Variants in OOEP observed in about 807,000 individuals in gnomAD.
OOEP encodes the protein oocyte expressed protein.
A neutral mutation model predicts 13.7 loss-of-function variants in OOEP; 16 were observed. The ratio of observed to expected loss-of-function variants is 1.16; its 90% CI spans 0.79 to 1.77. OOEP has a LOEUF of 1.77. Ranked by LOEUF, OOEP falls within the 40% of genes most tolerant of loss-of-function variation. The probability of loss-of-function intolerance (pLI) is 0.00; values close to 1 mark genes in which losing one functional copy is unlikely to be tolerated. For synonymous variants in OOEP, 89 were observed against 77.1 expected (o/e 1.15, Z -0.81); for missense variants, 195 against 193.1 (o/e 1.01, Z -0.06).
upstream of OOEP, chr6:73,373,200 G>A: frequency 6.2e-7 from 1 of 1,612,720 alleles, no homozygotes; most frequent in South Asian, 1.1e-5. Flanking sequence ...TGGGGAATGG[G>A]ACGATTTTGC....
At chr6:73,373,233 G>A (rs1272759086), upstream of OOEP, 64 of 1,612,430 alleles carry the variant, frequency 4.0e-5, no homozygotes, top group East Asian at 8.9e-5. Context: ...GCCAGGAATC[G>A]CTTAATCCTG....
Position 73,369,891 on chromosome 6 carries a change from C to T in OOEP, c.-99G>A. On this transcript the variant is annotated 5_prime_UTR_variant, in exon 1 of 3. Transcript: ENST00000370359. ...CGGGCTCTCTTTTACCATATTCGAC[C>T]CGCTCCGCCCCTTCCGGCGGCGCCT... is the stretch of plus-strand genomic sequence containing the variant. 9.0e-7 allele frequency: 1 copy of T among 1,114,774 alleles called. No homozygotes were observed. Among genetic ancestry groups the T allele is most frequent in the Non-Finnish European group, 1.3e-6 (1 of 775,108 alleles). 69.1% of individuals were successfully genotyped at this position (1,114,774 alleles called of 1,614,324 possible).
chr6:73,373,959 G>A (rs538146442), upstream of OOEP, among the ~76,000 whole-genome samples: 1 of 152,172 alleles, frequency 6.6e-6, no homozygotes, highest in Non-Finnish European at 1.5e-5. Flanking sequence ...GGGAGGCTGA[G>A]GCGGGAGGAT....
At position 73,368,731 on chromosome 6, in the gene OOEP, T is replaced by G. The variant is rs1444446429; in HGVS notation, c.*53A>C. ...AATGCTATACTTGCTTTTCTTCAAC[T>G]TTAGCAGCAAAAGTTAGAAAGTTAA... On this transcript the variant is annotated 3_prime_UTR_variant, in exon 3 of 3. Coordinates refer to ENST00000370359, the MANE Select transcript of OOEP (RefSeq NM_001080507.3). 1 of 1,254,276 alleles carries G rather than the reference T, an allele frequency of 8.0e-7. No individual in the cohort carries two copies. The highest frequency in any genetic ancestry group is 1.2e-6 in the Non-Finnish European group (1 of 853,994). The allele number at this position is 1,254,276 out of a possible 1,614,324, so 77.7% of individuals were successfully genotyped here.
At chr6:73,381,220 AAAAAAAAAGAAGAAG>A (rs1769205390) in intron 2 of OOEP, among the ~76,000 whole-genome samples, 1 of 132,542 alleles carries the variant, frequency 7.5e-6, no homozygotes, top group Non-Finnish European at 1.7e-5. Context: ...AAAAAAAAAA[AAAAAAAAAGAAGAAG>A]AAAAAGAAGA....
chr6:73,394,857 G>A (rs369295951), exon 1 of OOEP: 1 of 1,596,462 alleles, frequency 6.3e-7, no homozygotes, highest in Middle Eastern at 1.7e-4. Flanking sequence ...ACGGTCAGGT[G>A]GTGCAGAGCT....
At chr6:73,385,491 A>G (rs1251001355) in intron 2 of OOEP, among the ~76,000 whole-genome samples, 3 of 152,186 alleles carry the variant, frequency 2.0e-5, no homozygotes, top group Non-Finnish European at 4.4e-5. Flanking sequence ...AATAAAGGAC[A>G]ACAACTACAT....
At position 73,392,054 on chromosome 6, in the gene OOEP, G is replaced by A. The variant is rs117911082; in HGVS notation, c.25+2292C>T. Among the ~76,000 whole-genome samples the A allele has an allele frequency of 3.1e-3, 471 of 152,318 alleles. 5 individuals carry two copies. Among genetic ancestry groups the A allele is most frequent in the Non-Finnish European group, 4.2e-3 (285 of 68,040 alleles). ...ATTTTGGCCTCATAGAATGAGTTAG[G>A]AAGTATCCCTCTGCTTCTACTTTCT... On this transcript the variant is annotated intron_variant, in intron 2 of 3. Transcript: ENST00000370363.
At chr6:73,374,018 C>A (rs1270576289), upstream of OOEP, among the ~76,000 whole-genome samples, 2 of 151,972 alleles carry the variant, frequency 1.3e-5, no homozygotes, top group Non-Finnish European at 2.9e-5. Flanking sequence ...TAGAGAGGAC[C>A]TGTCTCTACA....
intron 2 of OOEP, among the ~76,000 whole-genome samples, chr6:73,378,870 GAA>G (rs749160038): frequency 7.6e-6 from 1 of 132,172 alleles, no homozygotes. Flanking sequence ...ACTGTCTCCA[GAA>G]AAAAAAAAAA....
In OOEP at chr6:73,368,716, T is replaced by C. The variant is rs1336119321; in HGVS notation, c.*68A>G. 7 of 1,037,728 alleles carry C rather than the reference T, an allele frequency of 6.7e-6. No homozygotes were observed. In the East Asian group the frequency reaches 7.1e-5, roughly 11 times the overall value. 64.3% of individuals were successfully genotyped at this position (1,037,728 alleles called of 1,614,324 possible). A position where few individuals can be genotyped will look rare whatever the true frequency, so the allele number is the denominator to read the frequency against. Reference sequence around the variant, plus strand: ...ATACGGGGATTTAAGAATGCTATACTTGCTTTTCTTCAACTTTAGCAGCAA... The same window carrying C: ...ATACGGGGATTTAAGAATGCTATACCTGCTTTTCTTCAACTTTAGCAGCAA... On this transcript the variant is annotated 3_prime_UTR_variant, in exon 3 of 3. Transcript: ENST00000370359.
chr6:73,384,829 C>G (rs935856373), intron 2 of OOEP, among the ~76,000 whole-genome samples: 4 of 151,816 alleles, frequency 2.6e-5, no homozygotes, highest in African/African-American at 9.7e-5. Context: ...CTGTGCCTCC[C>G]GGGTTCAAGT....
At chr6:73,376,351 T>TC (rs1769137983) in intron 2 of OOEP, among the ~76,000 whole-genome samples, 1 of 30,692 alleles carries the variant, frequency 3.3e-5, no homozygotes. Flanking sequence ...GTTGTTTTTT[T>TC]TTTTTTTTTT....
At chr6:73,381,622 G>A (rs1229739592) in intron 2 of OOEP, among the ~76,000 whole-genome samples, 2 of 152,176 alleles carry the variant, frequency 1.3e-5, no homozygotes, top group African/African-American at 4.8e-5. Flanking sequence ...AGGATGGCCA[G>A]TACACTCTTC....
At chr6:73,393,077 C>T (rs1769372359) in intron 2 of OOEP, among the ~76,000 whole-genome samples, 1 of 151,382 alleles carries the variant, frequency 6.6e-6, no homozygotes, top group African/African-American at 2.4e-5. Context: ...GCCTGGTGTC[C>T]ACTGTGTTTG....
chr6:73,384,142 C>T lies in OOEP; in HGVS notation c.25+10204G>A, dbSNP rs574884497. On this transcript the variant is annotated intron_variant, in intron 2 of 3. Coordinates refer to the OOEP transcript ENST00000370363. The stretch of plus-strand genomic sequence containing the variant: ...AATAAAAAATGAATGAATGGAGGAC[C>T]AGATATAAAAAGGATTATAAGGTAA... Among the ~76,000 whole-genome samples the T allele has an allele frequency of 5.9e-4, 89 of 151,846 alleles. No homozygotes were observed. In the Middle Eastern group the frequency reaches 0.017, roughly 29 times the overall value.
chr6:73,394,873 G>A, exon 1 of OOEP: 1 of 1,608,982 alleles, frequency 6.2e-7, no homozygotes, highest in Non-Finnish European at 8.5e-7. Flanking sequence ...GAGCTGGACG[G>A]CAACGACGTC....
upstream of OOEP, among the ~76,000 whole-genome samples, chr6:73,374,663 C>T (rs1192199802): frequency 6.6e-6 from 1 of 152,098 alleles, no homozygotes; most frequent in Admixed American, 6.6e-5. Flanking sequence ...CTCCAGCAAC[C>T]CTCCTGCCTT....
upstream of OOEP, chr6:73,370,002 G>T: frequency 1.7e-6 from 1 of 576,520 alleles, no homozygotes; most frequent in South Asian, 2.1e-5. Flanking sequence ...CAATCGCCGG[G>T]ATTGCCTCTT....
Sources: allele counts gnomAD v4.1 joint callset (sites outside exome capture counted in the v4.1 genomes callset), GRCh38; gene constraint gnomAD v4.1.1; transcripts MANE v1.5; gene names NCBI Gene and HGNC (gene_info 2026-07-23, HGNC 2026-07-21).